The following FBXO4 variants were observed in gnomAD, a reference collection of about 807,000 sequenced individuals.
FBXO4 encodes F-box only protein 4.
In FBXO4, 36 loss-of-function variants were observed where a neutral mutation model predicts 43.7. The observed-to-expected ratio is 0.82, with a 90% CI of 0.63 to 1.09. The LOEUF is 1.09. Ranked by LOEUF, FBXO4 falls within the 50% of genes least tolerant of loss-of-function variation. The probability of loss-of-function intolerance (pLI) is 0.00; values close to 1 mark genes in which losing one functional copy is unlikely to be tolerated. For missense variants in FBXO4, 435 were observed against 474.1 expected (o/e 0.92, Z 0.77); for synonymous variants, 180 against 165.6 (o/e 1.09, Z -0.67).
chr5:41,982,004 G>C, the FBXO4 span, among the ~76,000 whole-genome samples: 2 of 151,396 alleles, frequency 1.3e-5, no homozygotes, highest in African/African-American at 4.9e-5. Flanking sequence ...GCGGTGTTTG[G>C]TTTTTTGTCC....
the FBXO4 span, among the ~76,000 whole-genome samples, chr5:42,007,249 G>A: frequency 6.6e-6 from 1 of 151,688 alleles, no homozygotes; most frequent in African/African-American, 2.4e-5. Context: ...TAAAAAAATA[G>A]TATGAAACAA....
chr5:42,022,088 T>A, the FBXO4 span, among the ~76,000 whole-genome samples: 3 of 152,148 alleles, frequency 2.0e-5, no homozygotes, highest in African/African-American at 7.2e-5. Flanking sequence ...CTTCAGATGA[T>A]CTCATTCATA....
the FBXO4 span, among the ~76,000 whole-genome samples, chr5:42,006,307 AG>A: frequency 1.3e-5 from 2 of 152,092 alleles, no homozygotes; most frequent in Non-Finnish European, 2.9e-5. Context: ...ATTATCTTAA[AG>A]GAGAAAAACT....
downstream of FBXO4, among the ~76,000 whole-genome samples, chr5:41,942,407 C>T (rs989576246): frequency 6.6e-6 from 1 of 150,426 alleles, no homozygotes; most frequent in African/African-American, 2.5e-5. Flanking sequence ...CAGAACAATG[C>T]TTTTATATCA....
the FBXO4 span, among the ~76,000 whole-genome samples, chr5:41,985,420 C>T: frequency 6.6e-6 from 1 of 152,114 alleles, no homozygotes; most frequent in East Asian, 1.9e-4. Context: ...CACAGGTAAA[C>T]AAAGCTAGTA....
At chr5:41,944,532 A>G (rs938142225), downstream of FBXO4, among the ~76,000 whole-genome samples, 1 of 152,222 alleles carries the variant, frequency 6.6e-6, no homozygotes, top group African/African-American at 2.4e-5. Flanking sequence ...ATGATGAATT[A>G]CAATATCAAA....
At chr5:41,964,836 C>T in the FBXO4 span, among the ~76,000 whole-genome samples, 3 of 152,080 alleles carry the variant, frequency 2.0e-5, no homozygotes, top group African/African-American at 7.2e-5. Context: ...TGTAGGTTGC[C>T]TGTGCACTCT....
the FBXO4 span, among the ~76,000 whole-genome samples, chr5:42,029,493 T>A: frequency 6.6e-6 from 1 of 152,006 alleles, no homozygotes; most frequent in South Asian, 2.1e-4. Context: ...TTCCCTAGGT[T>A]TGGGGGATTC....
At chr5:42,012,528 T>C in the FBXO4 span, among the ~76,000 whole-genome samples, 1 of 152,150 alleles carries the variant, frequency 6.6e-6, no homozygotes, top group African/African-American at 2.4e-5. Context: ...TTGTTGGCAA[T>C]AATAGCCACA....
At chr5:41,996,367 G>A in the FBXO4 span, among the ~76,000 whole-genome samples, 1 of 152,186 alleles carries the variant, frequency 6.6e-6, no homozygotes. Flanking sequence ...CAGGCCAAGA[G>A]CTGTCACTCA....
rs1751992595 is a variant in FBXO4 at position 41,941,102 on chromosome 5, T to C, written c.1075-90T>C. ...ATTGGGATTTTTAAAAGTTCTGTTA[T>C]CTTTTTAGTGTCTAGAAAAATGTCC... is the stretch of plus-strand genomic sequence containing the variant. On this transcript the variant is annotated intron_variant, in intron 6 of 6. Transcript: ENST00000281623. The C allele has an allele frequency of 4.2e-6, 4 of 955,720 alleles. No homozygotes were observed. In the South Asian group the frequency reaches 4.9e-5, roughly 12 times the overall value. 59.2% of individuals were successfully genotyped at this position (955,720 alleles called of 1,614,324 possible).
chr5:42,006,724 G>C, the FBXO4 span, among the ~76,000 whole-genome samples: 1 of 151,336 alleles, frequency 6.6e-6, no homozygotes, highest in East Asian at 1.9e-4. Flanking sequence ...TAGTAATAGA[G>C]AAATTTTAGG....
chr5:41,967,153 C>T, the FBXO4 span: 1 of 409,702 alleles, frequency 2.4e-6, no homozygotes, highest in South Asian at 2.4e-5. Flanking sequence ...AGTGGCTACT[C>T]CAAGCTCTTT....
the FBXO4 span, among the ~76,000 whole-genome samples, chr5:41,994,194 A>G: frequency 6.6e-6 from 1 of 152,214 alleles, no homozygotes; most frequent in Admixed American, 6.5e-5. Flanking sequence ...ATCCCCAAAC[A>G]AAATGCTATT....
intron 1 of FBXO4, 143 bp from the exon 2 acceptor site, chr5:41,926,870 G>T (rs1751520691): frequency 3.8e-6 from 2 of 520,668 alleles, no homozygotes; most frequent in East Asian, 3.1e-5. Context: ...GAAAATAATA[G>T]ATTTAATTAT....
At chr5:41,962,922 A>G in the FBXO4 span, among the ~76,000 whole-genome samples, 1 of 152,086 alleles carries the variant, frequency 6.6e-6, no homozygotes, top group African/African-American at 2.4e-5. Flanking sequence ...CCACTGATTC[A>G]CCAAAAATGA....
chr5:41,965,046 G>C, the FBXO4 span, among the ~76,000 whole-genome samples: 4 of 152,124 alleles, frequency 2.6e-5, no homozygotes, highest in Admixed American at 1.3e-4. Context: ...TATCCATCTT[G>C]AATTAATTTT....
In FBXO4 at chr5:41,939,439, A is replaced by G; in HGVS notation, c.899-2A>G. On this transcript the variant is annotated splice_acceptor_variant, in intron 5 of 6. Transcript: ENST00000281623. LOFTEE classifies it high-confidence loss of function. ...TTAAGGGTTTTGACTTACATTCCTT[A>G]GGACATGAATGGCAAGATGAATTTT... 6.2e-7 allele frequency: 1 copy of G among 1,604,028 alleles called. No homozygotes were observed. The highest frequency in any genetic ancestry group is 8.5e-7 in the Non-Finnish European group (1 of 1,174,312).
chr5:42,019,256 G>T, the FBXO4 span, among the ~76,000 whole-genome samples: 1 of 151,848 alleles, frequency 6.6e-6, no homozygotes, highest in Non-Finnish European at 1.5e-5. Flanking sequence ...TGGCTGACTT[G>T]GTATGAAAGG....
Sources: allele counts gnomAD v4.1 joint callset (sites outside exome capture counted in the v4.1 genomes callset), GRCh38; gene constraint gnomAD v4.1.1; transcripts MANE v1.5; gene names NCBI Gene and HGNC (gene_info 2026-07-23, HGNC 2026-07-21).